The following ACACA variants were observed in gnomAD, a reference collection of about 807,000 sequenced individuals.
ACACA encodes the protein acetyl-CoA carboxylase 1.
In ACACA, 103 loss-of-function variants were observed where a neutral mutation model predicts 296.1. The observed-to-expected ratio is 0.35, with a 90% confidence interval of 0.30 to 0.41. The LOEUF (loss-of-function observed/expected upper bound fraction) is 0.41. Among genes scored for constraint, ACACA ranks in the 10% least tolerant of loss-of-function variants. The probability of loss-of-function intolerance (pLI) is 1.00; values close to 1 mark genes in which losing one functional copy is unlikely to be tolerated. For missense variants in ACACA, 1,554 were observed against 2,989.7 expected, an observed-to-expected ratio of 0.52 and a Z score of 11.20; for synonymous variants, 953 against 1,038.6, an observed-to-expected ratio of 0.92 and a Z score of 1.58.
intron 29 of ACACA, among the ~76,000 whole-genome samples, chr17:37,213,695 C>G (rs2078859216): frequency 6.6e-6 from 1 of 152,170 alleles, no homozygotes; most frequent in African/African-American, 2.4e-5. Context: ...TAGAGAAAGA[C>G]AAGAGAAATC....
intron 1 of ACACA, among the ~76,000 whole-genome samples, chr17:37,349,228 T>C (rs1043532220): frequency 3.3e-5 from 5 of 150,036 alleles, no homozygotes; most frequent in African/African-American, 4.9e-5. Flanking sequence ...ACATGGCTAA[T>C]TTTTATATTT....
chr17:37,105,255 T>C (rs534113326), intron 52 of ACACA, among the ~76,000 whole-genome samples: 14 of 152,370 alleles, frequency 9.2e-5, no homozygotes, highest in Admixed American at 5.2e-4. Context: ...AATCCCAGTC[T>C]GGCAAACAGG....
At chr17:37,191,497 C>A (rs753337233) in intron 37 of ACACA, among the ~76,000 whole-genome samples, 1 of 152,142 alleles carries the variant, frequency 6.6e-6, no homozygotes, top group African/African-American at 2.4e-5. Context: ...ACTTTTAGTG[C>A]ATCATTCCCT....
chr17:37,113,355 G>C lies in ACACA; in HGVS notation c.6275-90C>G, dbSNP rs534145252. The C allele has an allele frequency of 1.4e-6, 2 of 1,383,262 alleles. No homozygotes were observed. Among genetic ancestry groups the C allele is most frequent in the Admixed American group, 1.9e-5 (1 of 51,884 alleles). 85.7% of individuals were successfully genotyped at this position (1,383,262 alleles called of 1,614,324 possible). On this transcript the variant is annotated intron_variant, in intron 50 of 55. Transcript: ENST00000616317. The surrounding 1 kb of genome is among the most constrained non-coding windows in gnomAD (Gnocchi z 4.0). The stretch of plus-strand genomic sequence containing the variant: ...ACTGTTCAGGACCTCTGGCCACGAA[G>C]AGCCTCCTTATACTATGCCTCCTGT...
At chr17:37,099,591 GGAGGGCTGATGGCGGGAGGGCTGATGGC>G (rs2073227875) in intron 52 of ACACA, among the ~76,000 whole-genome samples, 1 of 149,646 alleles carries the variant, frequency 6.7e-6, no homozygotes, top group Non-Finnish European at 1.5e-5. Flanking sequence ...GCTGATGGCA[GGAGGGCTGATGGCGGGAGGGCTGATGGC>G]AGGAGGGCTG....
chr17:37,339,476 C>T (rs900056781), intron 2 of ACACA, among the ~76,000 whole-genome samples: 7 of 152,210 alleles, frequency 4.6e-5, no homozygotes, highest in Non-Finnish European at 1.0e-4. Flanking sequence ...TGTCCAGCAA[C>T]TGTACTGAAT....
At chr17:37,194,933 A>AACCCCC (rs2077922268) in intron 35 of ACACA, among the ~76,000 whole-genome samples, 1 of 150,448 alleles carries the variant, frequency 6.6e-6, no homozygotes, top group African/African-American at 2.5e-5. Flanking sequence ...ATTCTCTGAC[A>AACCCCC]CCCCCCCCAC....
intron 3 of ACACA, among the ~76,000 whole-genome samples, chr17:37,309,129 C>T (rs2084014490): frequency 6.6e-6 from 1 of 152,200 alleles, no homozygotes; most frequent in Middle Eastern, 3.4e-3. Flanking sequence ...TCAAACAGTC[C>T]TCTCGCCTCA....
At chr17:37,173,391 T>G (rs2076947898) in intron 41 of ACACA, among the ~76,000 whole-genome samples, 1 of 152,206 alleles carries the variant, frequency 6.6e-6, no homozygotes, top group Non-Finnish European at 1.5e-5. Flanking sequence ...ACTGTCAAAA[T>G]GGATCTACTA....
intron 1 of ACACA, among the ~76,000 whole-genome samples, chr17:37,348,401 A>C (rs1406032485): frequency 2.0e-5 from 3 of 152,158 alleles, no homozygotes; most frequent in African/African-American, 7.2e-5. Context: ...TCAGAAACTG[A>C]ACACAAGAAA....
At chr17:37,325,366 CAA>C (rs984723677) in intron 3 of ACACA, among the ~76,000 whole-genome samples, 13 of 114,052 alleles carry the variant, frequency 1.1e-4, no homozygotes, top group Admixed American at 2.8e-4. Flanking sequence ...AACTCAGTCT[CAA>C]AAAAAAAAAA....
intron 3 of ACACA, among the ~76,000 whole-genome samples, chr17:37,303,661 C>T (rs564892115): frequency 8.5e-5 from 13 of 152,228 alleles, no homozygotes; most frequent in African/African-American, 1.2e-4. Context: ...AGTTCAAGAC[C>T]GGCCTGGCCC....
At chr17:37,402,368 G>T (rs978195690) in intron 1 of ACACA, among the ~76,000 whole-genome samples, 2 of 152,112 alleles carry the variant, frequency 1.3e-5, no homozygotes, top group Non-Finnish European at 2.9e-5. Flanking sequence ...TATGAGAAAT[G>T]AAGGTATGTC....
chr17:37,380,478 G>A (rs980609886), intron 1 of ACACA, among the ~76,000 whole-genome samples: 7 of 151,990 alleles, frequency 4.6e-5, no homozygotes, highest in Middle Eastern at 3.4e-3. Context: ...GCAAATCTAC[G>A]TGCTCTCTGA....
chr17:37,176,476 CA>C, intron 41 of ACACA, among the ~76,000 whole-genome samples: 1 of 152,304 alleles, frequency 6.6e-6, no homozygotes, highest in Admixed American at 6.5e-5. Context: ...CTCTTTGGGA[CA>C]GGACAGATTT....
intron 1 of ACACA, among the ~76,000 whole-genome samples, chr17:37,390,583 C>T (rs1264748423): frequency 6.7e-6 from 1 of 148,748 alleles, no homozygotes; most frequent in African/African-American, 2.5e-5. Flanking sequence ...GCCGAGATTG[C>T]GCCACTATAC....
At chr17:37,249,854 G>A (rs2080898538) in intron 16 of ACACA, among the ~76,000 whole-genome samples, 1 of 152,196 alleles carries the variant, frequency 6.6e-6, no homozygotes, top group Non-Finnish European at 1.5e-5. Context: ...TTCTCTTGTG[G>A]TGTGGGACGG....
intron 3 of ACACA, among the ~76,000 whole-genome samples, chr17:37,316,298 T>TACATACAC (rs1555642004): frequency 7.3e-5 from 7 of 95,700 alleles, no homozygotes; most frequent in African/African-American, 2.4e-4. Context: ...GCTCTACCCT[T>TACATACAC]ACATACACAC....
chr17:37,179,243 G>A lies in ACACA; in HGVS notation c.5079+17C>T, dbSNP rs775903079. 6 of 1,614,074 alleles carry A rather than the reference G, an allele frequency of 3.7e-6. No homozygotes were observed. Among genetic ancestry groups the A allele is most frequent in the South Asian group, 3.3e-5 (3 of 91,080 alleles). ...GGCACAGAGATAAGAAAGGGAAGGG[G>A]GGTTTCAACTACTTGCCTCATTTCC... On this transcript the variant is annotated intron_variant, in intron 41 of 55. Transcript: ENST00000616317.
Sources: allele counts gnomAD v4.1 joint callset (sites outside exome capture counted in the v4.1 genomes callset), GRCh38; gene constraint gnomAD v4.1.1; non-coding constraint Gnocchi (gnomAD v3.1); transcripts MANE v1.5; gene names NCBI Gene and HGNC (gene_info 2026-07-23, HGNC 2026-07-21).